The following CENPI variants were observed in gnomAD, a reference collection of about 807,000 sequenced individuals.
The protein encoded by CENPI is centromere protein I, also known as FSH primary response 1.
CENPI carries 4 observed loss-of-function variants against 60.4 expected under a neutral mutation model. That is an observed-to-expected ratio of 0.07 (90% CI 0.03 to 0.15). The LOEUF (loss-of-function observed/expected upper bound fraction) is 0.15. Among genes scored for constraint, CENPI ranks in the 10% least tolerant of loss-of-function variants. The pLI is 1.00. For missense variants in CENPI, 444 were observed against 534.5 expected (o/e 0.83, Z 1.67); for synonymous variants, 157 against 189.4 (o/e 0.83, Z 1.40).
At chrX:101,162,806 G>A (rs762458036) in intron 21 of CENPI, 27 bp from the exon 22 acceptor site, 1 of 1,202,748 alleles carries the variant, frequency 8.3e-7, no homozygotes, top group Non-Finnish European at 1.1e-6. Context: ...TATTCGATAA[G>A]TAATTTTCCT....
chrX:101,162,789 A>T, intron 21 of CENPI, 44 bp from the exon 22 acceptor site: 1 of 1,187,800 alleles, frequency 8.4e-7, no homozygotes, highest in Non-Finnish European at 1.1e-6. Context: ...GAAAAAGCAT[A>T]GTAAAATATT....
intron 6 of CENPI, among the ~76,000 whole-genome samples, chrX:101,117,709 G>T (rs1019290889): frequency 4.5e-5 from 5 of 111,796 alleles, no homozygotes; most frequent in Admixed American, 3.8e-4. Flanking sequence ...TCTACACATT[G>T]GGTGGGTCCT....
intron 13 of CENPI, among the ~76,000 whole-genome samples, chrX:101,130,380 G>A (rs2089783700): frequency 8.9e-6 from 1 of 111,864 alleles, no homozygotes; most frequent in African/African-American, 3.2e-5. Context: ...GCTGCAGTGA[G>A]CCGTAATTGT....
chrX:101,120,931 A>G (rs2089671375), intron 8 of CENPI, 147 bp downstream of exon 8: 5 of 434,918 alleles, frequency 1.1e-5, no homozygotes, highest in Non-Finnish European at 1.5e-5. Context: ...ACTGGAGTGC[A>G]GTGGCATGAT....
At chrX:101,155,759 C>G (rs991336606) in intron 20 of CENPI, among the ~76,000 whole-genome samples, 1 of 111,637 alleles carries the variant, frequency 9.0e-6, no homozygotes, top group African/African-American at 3.3e-5. Context: ...CAACCAAAAA[C>G]TCTTTTTACA....
chrX:101,157,953 C>T (rs2090069017), intron 20 of CENPI, among the ~76,000 whole-genome samples: 1 of 111,215 alleles, frequency 9.0e-6, no homozygotes, highest in Non-Finnish European at 1.9e-5. Flanking sequence ...TCATACCTGT[C>T]CCCCACCCGC....
chrX:101,118,136 G>A (rs746276649), intron 6 of CENPI, among the ~76,000 whole-genome samples: 33 of 111,967 alleles, frequency 2.9e-4, no homozygotes, highest in African/African-American at 1.0e-3. Flanking sequence ...AAATCCTCAC[G>A]GAATTTTGGG....
chrX:101,178,657 C>T, the CENPI span, among the ~76,000 whole-genome samples: 1 of 110,883 alleles, frequency 9.0e-6, no homozygotes, highest in South Asian at 3.8e-4. Context: ...GTGATCCACC[C>T]GCCTCGGCCT....
chrX:101,123,559 C>G (rs1210973724), intron 8 of CENPI, among the ~76,000 whole-genome samples: 2 of 111,219 alleles, frequency 1.8e-5, no homozygotes, highest in Non-Finnish European at 3.8e-5. Context: ...ATTGTTTGGT[C>G]TTTTATGATA....
chrX:101,162,712 C>T (rs1425666555), intron 21 of CENPI, 121 bp from the exon 22 acceptor site: 25 of 738,261 alleles, frequency 3.4e-5, no homozygotes, highest in African/African-American at 6.5e-5. Flanking sequence ...ATTTCCCCCC[C>T]GAACTAATTT....
chrX:101,140,135 C>T (rs2089901920), intron 15 of CENPI, among the ~76,000 whole-genome samples: 1 of 112,136 alleles, frequency 8.9e-6, no homozygotes, highest in South Asian at 3.7e-4. Flanking sequence ...CGCACCCAGC[C>T]CATCATTGTA....
downstream of CENPI, among the ~76,000 whole-genome samples, chrX:101,171,073 T>C (rs2090155963): frequency 8.9e-6 from 1 of 112,319 alleles, no homozygotes; most frequent in Non-Finnish European, 1.9e-5. Flanking sequence ...TGAAAAAACT[T>C]GGAAAATTCA....
intron 20 of CENPI, among the ~76,000 whole-genome samples, chrX:101,160,876 G>A (rs1002084621): frequency 1.8e-5 from 2 of 111,452 alleles, no homozygotes; most frequent in Non-Finnish European, 3.8e-5. Context: ...CAATTATTAT[G>A]TGTCAGTGAA....
chrX:101,140,998 A>G, intron 16 of CENPI: 2 of 266,586 alleles, frequency 7.5e-6, no homozygotes, highest in Non-Finnish European at 1.3e-5. Context: ...TTCTTTCAAG[A>G]GTTAATATAA....
intron 16 of CENPI, among the ~76,000 whole-genome samples, chrX:101,144,747 A>AT (rs1445142455): frequency 1.8e-5 from 2 of 110,669 alleles, no homozygotes; most frequent in South Asian, 3.8e-4. Context: ...TGGAATACCT[A>AT]TTTTTTAATG....
intron 4 of CENPI, among the ~76,000 whole-genome samples, chrX:101,109,075 G>GTTTTTTT (rs869245080): frequency 3.8e-4 from 18 of 47,318 alleles, no homozygotes; most frequent in Non-Finnish European, 5.3e-4. Context: ...GAGGTGTGGT[G>GTTTTTTT]TTTTTTTTTT....
At chrX:101,121,241 A>G (rs776633731) in intron 8 of CENPI, among the ~76,000 whole-genome samples, 8 of 111,314 alleles carry the variant, frequency 7.2e-5, no homozygotes, top group Admixed American at 3.9e-4. Flanking sequence ...AAAAATCAGA[A>G]TCAGACTTGG....
chrX:101,169,951 GTA>G (rs1240449295), downstream of CENPI, among the ~76,000 whole-genome samples: 19 of 109,301 alleles, frequency 1.7e-4, no homozygotes, highest in African/African-American at 6.0e-4. Context: ...TTACAAAAGA[GTA>G]AAAAATTTTA....
intron 4 of CENPI, among the ~76,000 whole-genome samples, chrX:101,105,108 A>G (rs1246816941): frequency 2.7e-5 from 3 of 111,977 alleles, no homozygotes; most frequent in Non-Finnish European, 5.6e-5. Context: ...ACCTAATAAA[A>G]TTGGCTTTTT....
Sources: allele counts gnomAD v4.1 joint callset (sites outside exome capture counted in the v4.1 genomes callset), GRCh38; gene constraint gnomAD v4.1.1; transcripts MANE v1.5; gene names NCBI Gene and HGNC (gene_info 2026-07-23, HGNC 2026-07-21).